The following SPTLC1 variants were observed in gnomAD, a reference collection of about 807,000 sequenced individuals.
The protein encoded by SPTLC1 is serine palmitoyltransferase 1.
Under a neutral mutation model 68.9 loss-of-function variants are expected in SPTLC1, and 55 were observed. The ratio of observed to expected loss-of-function variants is 0.80; its 90% CI spans 0.64 to 1.00. The LOEUF (loss-of-function observed/expected upper bound fraction) is 1.00, where lower values mean the gene tolerates loss of function less well. SPTLC1 is among the 50% of genes least tolerant of loss of function. SPTLC1 has a pLI of 0.00. For missense variants in SPTLC1, 449 were observed against 573.1 expected (o/e 0.78, Z 2.21); for synonymous variants, 197 against 201.6 (o/e 0.98, Z 0.19).
At chr9:92,087,461 A>G (rs1043637245) in intron 3 of SPTLC1, among the ~76,000 whole-genome samples, 9 of 152,220 alleles carry the variant, frequency 5.9e-5, no homozygotes, top group Admixed American at 5.2e-4. Context: ...TCCTTCTAAC[A>G]GACAGGACCC....
intron 13 of SPTLC1, among the ~76,000 whole-genome samples, chr9:92,036,624 G>A (rs1445253971): frequency 2.0e-5 from 3 of 152,220 alleles, no homozygotes; most frequent in Non-Finnish European, 4.4e-5. Context: ...TGTGAACACA[G>A]CTCTCAGCTG....
chr9:92,081,056 T>TGC, intron 3 of SPTLC1, 93 bp from the exon 4 acceptor site: 1 of 915,182 alleles, frequency 1.1e-6, no homozygotes, highest in Non-Finnish European at 1.8e-6. Context: ...CATAGTGTTG[T>TGC]CATCCTACCC....
intron 5 of SPTLC1, 31 bp downstream of exon 5, chr9:92,079,985 T>C: frequency 1.3e-6 from 2 of 1,570,944 alleles, no homozygotes; most frequent in Admixed American, 1.7e-5. Context: ...TTGAAAGCAG[T>C]AGTCTCAAAG....
chr9:92,115,117 G>T, intron 1 of SPTLC1, 197 bp downstream of exon 1: 1 of 560,910 alleles, frequency 1.8e-6, no homozygotes, highest in South Asian at 1.9e-5. Context: ...CTCAGTCCCA[G>T]CCCCCGCCCC....
At chr9:92,057,488 T>C (rs1225565653) in intron 7 of SPTLC1, among the ~76,000 whole-genome samples, 1 of 152,240 alleles carries the variant, frequency 6.6e-6, no homozygotes, top group Non-Finnish European at 1.5e-5. Context: ...ACATCTGTGT[T>C]AGCACTGACT....
chr9:92,103,307 G>A (rs1835824778), intron 3 of SPTLC1, among the ~76,000 whole-genome samples: 2 of 152,246 alleles, frequency 1.3e-5, no homozygotes, highest in African/African-American at 4.8e-5. Flanking sequence ...CTTTGTAGAA[G>A]ACTGGAGCCC....
At chr9:92,071,228 A>G (rs1281567317) in intron 5 of SPTLC1, among the ~76,000 whole-genome samples, 3 of 77,162 alleles carry the variant, frequency 3.9e-5, no homozygotes, top group Non-Finnish European at 9.5e-5. Flanking sequence ...TATCTCTACT[A>G]AAAAAAAAAA....
chr9:92,051,461 A>G (rs916908900), intron 8 of SPTLC1: 57 of 163,366 alleles, frequency 3.5e-4, no homozygotes, highest in Non-Finnish European at 2.3e-4. Flanking sequence ...TAAAAATGGG[A>G]AGGAACTTCC....
At chr9:92,059,382 T>C in intron 6 of SPTLC1, 74 bp from the exon 7 acceptor site, 3 of 1,513,232 alleles carry the variant, frequency 2.0e-6, no homozygotes, top group Middle Eastern at 1.7e-4. Context: ...ATGCTTGTTT[T>C]TGTAAGCTGA....
Position 92,032,160 on chromosome 9 carries a change from A to G in SPTLC1, c.*305T>C. On this transcript the variant is annotated 3_prime_UTR_variant, in exon 15 of 15. Transcript: ENST00000262554. ...CAGTTTTAAACGACAACAAAAGAAT[A>G]TAAAATACTAGTATAAGAAAACATT... 1.1e-6 allele frequency: 1 copy of G among 936,878 alleles called. No individual in the cohort carries two copies. Among genetic ancestry groups the G allele is most frequent in the Non-Finnish European group, 1.5e-6 (1 of 647,502 alleles). The allele number at this position is 936,878 out of a possible 1,614,324, so 58.0% of individuals were successfully genotyped here.
chr9:92,102,229 A>G (rs914418391), intron 3 of SPTLC1, among the ~76,000 whole-genome samples: 1 of 152,244 alleles, frequency 6.6e-6, no homozygotes, highest in African/African-American at 2.4e-5. Context: ...CCAGACAAGC[A>G]AATGCTTATG....
intron 3 of SPTLC1, among the ~76,000 whole-genome samples, chr9:92,092,982 G>A (rs933109100): frequency 9.2e-5 from 14 of 152,124 alleles, no homozygotes; most frequent in African/African-American, 2.9e-4. Flanking sequence ...TAAGGAATAC[G>A]TACTTTATTA....
Position 92,067,909 on chromosome 9 carries a change from ACAGT to A in SPTLC1, c.560+53_560+56del, listed in dbSNP as rs764953825. 8.8e-5 allele frequency: 137 copies of A among 1,561,124 alleles called. No homozygotes were observed. The Middle Eastern group carries it at 1.5e-3, about 17-fold the overall frequency. On this transcript the variant is annotated intron_variant, in intron 6 of 14. Coordinates refer to ENST00000262554, the MANE Select transcript of SPTLC1 (RefSeq NM_006415.4). ...ACTTCTAATGAAGTATTTCTCTAAG[ACAGT>A]CAGTATTATTTCAAAGGAACTGCTA...
chr9:92,067,337 A>G lies in SPTLC1; in HGVS notation c.560+629T>C, dbSNP rs1199445269. 5.3e-5 allele frequency among the ~76,000 whole-genome samples: 8 copies of G among 151,876 alleles called. 1 individual carries two copies. Among genetic ancestry groups the G allele is most frequent in the African/African-American group, 1.7e-4 (7 of 41,354 alleles). The stretch of plus-strand genomic sequence containing the variant: ...AAAAAAACAGAGAAGAGGAAATTAA[A>G]GTCAATTTGAGACCAAATTTTAGTC... On this transcript the variant is annotated intron_variant, in intron 6 of 14. Coordinates refer to ENST00000262554, the MANE Select transcript of SPTLC1 (RefSeq NM_006415.4).
chr9:92,111,106 C>T (rs1306421975), intron 2 of SPTLC1: 1 of 152,176 alleles, frequency 6.6e-6, no homozygotes, highest in Non-Finnish European at 1.5e-5. Context: ...CCAACATCAC[C>T]TATCTAATGA....
At chr9:92,092,858 C>T (rs1313452128) in intron 3 of SPTLC1, among the ~76,000 whole-genome samples, 1 of 152,204 alleles carries the variant, frequency 6.6e-6, no homozygotes. Flanking sequence ...CAAGTTCATT[C>T]AGTAGCAAAA....
At chr9:92,053,912 T>C (rs1354328511) in intron 8 of SPTLC1, 6 of 951,316 alleles carry the variant, frequency 6.3e-6, no homozygotes, top group Non-Finnish European at 6.3e-6. Flanking sequence ...TTTTGTGTTA[T>C]GTGAATTTCA....
chr9:92,103,872 G>A (rs551720125), intron 3 of SPTLC1, among the ~76,000 whole-genome samples: 17 of 152,212 alleles, frequency 1.1e-4, no homozygotes, highest in Non-Finnish European at 2.4e-4. Context: ...AGGCGCCATG[G>A]CTCTGGCGGA....
intron 3 of SPTLC1, among the ~76,000 whole-genome samples, chr9:92,087,542 T>C (rs1161398867): frequency 6.6e-6 from 1 of 152,224 alleles, no homozygotes; most frequent in Non-Finnish European, 1.5e-5. Flanking sequence ...TCAGCAGCAG[T>C]GGCTGCAGAA....
Sources: gnomAD v4.1 joint callset for allele counts (sites outside exome capture counted in the v4.1 genomes callset) on GRCh38, gnomAD v4.1.1 for gene constraint, MANE v1.5 for transcripts, NCBI Gene and HGNC (gene_info 2026-07-23, HGNC 2026-07-21) for gene names.